ACTL6B: variants seen among roughly 807,000 people sequenced by gnomAD.
ACTL6B encodes the protein actin like 6B, also known as actin-like protein 6B.
ACTL6B carries 48 observed loss-of-function variants against 63.3 expected under a neutral mutation model. That is an observed-to-expected ratio of 0.76 (90% confidence interval 0.60 to 0.96). The LOEUF is 0.96. Ranked by LOEUF, ACTL6B falls within the 50% of genes least tolerant of loss-of-function variation. The pLI is 0.00. For synonymous variants in ACTL6B, 230 were observed against 223.8 expected (o/e 1.03, Z -0.25); for missense variants, 350 against 572.2 (o/e 0.61, Z 3.96).
In ACTL6B at chr7:100,656,360, C is replaced by T. The variant is rs141953498; in HGVS notation, c.-6G>A. On this transcript the variant is annotated 5_prime_UTR_variant, in exon 1 of 14. Coordinates refer to ENST00000160382, the MANE Select transcript of ACTL6B (RefSeq NM_016188.5). ...CCGTAGACGCCCCCGCTCATAGTGCCCGCTGCGCTGCTAGCGGCCCGTGGG... is the reference window on the plus strand; with the variant it reads ...CCGTAGACGCCCCCGCTCATAGTGCTCGCTGCGCTGCTAGCGGCCCGTGGG... The T allele has an allele frequency of 7.6e-4, 1,028 of 1,349,360 alleles. 1 individual carries two copies. In the East Asian group the frequency reaches 8.3e-3, roughly 11 times the overall value. 83.6% of individuals were successfully genotyped at this position (1,349,360 alleles called of 1,614,324 possible).
chr7:100,647,376 G>C lies in ACTL6B; in HGVS notation c.759+68C>G. 6.2e-7 allele frequency: 1 copy of C among 1,602,422 alleles called. No homozygotes were observed. The highest frequency in any genetic ancestry group is 8.5e-7 in the Non-Finnish European group (1 of 1,170,880). Reference sequence around the variant, plus strand: ...CCTCCCTGCTCCCCCTCCCATGCGGGGCCTCTGTCCCGCCCCCGATTCATG... The same window carrying C: ...CCTCCCTGCTCCCCCTCCCATGCGGCGCCTCTGTCCCGCCCCCGATTCATG... On this transcript the variant is annotated intron_variant, in intron 8 of 13. Transcript: ENST00000160382. The surrounding 1 kb of genome is among the most constrained non-coding windows in gnomAD (Gnocchi z 4.4).
At position 100,648,946 on chromosome 7, in the gene ACTL6B, C is replaced by T. The variant is rs1235073863; in HGVS notation, c.468-123G>A. 9.9e-6 allele frequency: 9 copies of T among 905,504 alleles called. No individual in the cohort carries two copies. Among genetic ancestry groups the T allele is most frequent in the Non-Finnish European group, 1.3e-5 (8 of 619,126 alleles). The allele number at this position is 905,504 out of a possible 1,614,324, so 56.1% of individuals were successfully genotyped here. A position where few individuals can be genotyped will look rare whatever the true frequency, so the allele number is the denominator to read the frequency against. ...CCATCCCCAGTCTGCAAATCTCTCC[C>T]CCTGGTGATGACTCATCTCCTGGAG... On this transcript the variant is annotated intron_variant, in intron 5 of 13. Coordinates refer to ENST00000160382, the MANE Select transcript of ACTL6B (RefSeq NM_016188.5). The surrounding 1 kb of genome is among the most constrained non-coding windows in gnomAD (Gnocchi z 4.4).
chr7:100,651,475 G>A (rs1021799262), intron 4 of ACTL6B, among the ~76,000 whole-genome samples: 9 of 151,826 alleles, frequency 5.9e-5, no homozygotes, highest in African/African-American at 1.2e-4. Flanking sequence ...CCTTGAACCC[G>A]GGAAGCGGAG....
chr7:100,655,367 T>C lies in ACTL6B; in HGVS notation c.268+54A>G, dbSNP rs1344416259. 8 of 1,574,670 alleles carry C rather than the reference T, an allele frequency of 5.1e-6. No individual in the cohort carries two copies. The highest frequency in any genetic ancestry group is 2.3e-5 in the South Asian group (2 of 87,120). On this transcript the variant is annotated intron_variant, in intron 3 of 13. Transcript: ENST00000160382. The surrounding 1 kb of genome is among the most constrained non-coding windows in gnomAD (Gnocchi z 4.4). ...GGAGTGGGGGCTGCTATGACCCAGATTGTGGGGAGCGGGCTCCTTTTCTGT... is the reference window on the plus strand; with the variant it reads ...GGAGTGGGGGCTGCTATGACCCAGACTGTGGGGAGCGGGCTCCTTTTCTGT...
Position 100,655,905 on chromosome 7 carries a change from G to A in ACTL6B, c.26-26C>T, listed in dbSNP as rs1241477018. ...CTGTGCGGGGAGACAGGCCTGTAAG[G>A]GGACCTCCCCCGAACTCTCTCCCGC... On this transcript the variant is annotated intron_variant, in intron 1 of 13. Coordinates refer to ENST00000160382, the MANE Select transcript of ACTL6B (RefSeq NM_016188.5). This position sits in a 1 kb window ranked among gnomAD's most constrained non-coding sequence, Gnocchi z 4.4. 7.1e-6 allele frequency: 11 copies of A among 1,552,584 alleles called. No individual in the cohort carries two copies. The highest frequency in any genetic ancestry group is 2.7e-5 in the African/African-American group (2 of 73,102).
intron 1 of ACTL6B, 86 bp downstream of exon 1, chr7:100,656,244 C>A: frequency 7.5e-7 from 1 of 1,326,942 alleles, no homozygotes. Flanking sequence ...GCGGAGGTGA[C>A]AGGCCCCGGG....
At chr7:100,649,482 G>C (rs935722862) in intron 5 of ACTL6B, among the ~76,000 whole-genome samples, 2 of 151,658 alleles carry the variant, frequency 1.3e-5, no homozygotes, top group African/African-American at 4.8e-5. Flanking sequence ...ATTTTTAGTA[G>C]ACACGGGCTT....
intron 13 of ACTL6B, among the ~76,000 whole-genome samples, chr7:100,644,041 A>G (rs1016109663): frequency 6.6e-6 from 1 of 152,094 alleles, no homozygotes; most frequent in Non-Finnish European, 1.5e-5. Flanking sequence ...CTGGGATTAC[A>G]GGCGCGTGCC....
rs541839239 is a variant in ACTL6B, at chr7:100,650,500, T to C, written c.370-365A>G. ...TCACACACAAACTCACACACACACA[T>C]ACACATATATTCACACTCACAGTCA... On this transcript the variant is annotated intron_variant, in intron 4 of 13. Coordinates refer to ENST00000160382, the MANE Select transcript of ACTL6B (RefSeq NM_016188.5). 1.3e-3 allele frequency among the ~76,000 whole-genome samples: 191 copies of C among 151,688 alleles called. 1 individual carries two copies. The highest frequency in any genetic ancestry group is 4.5e-3 in the African/African-American group (188 of 41,368).
chr7:100,650,837 G>A (rs1212408535), intron 4 of ACTL6B, among the ~76,000 whole-genome samples: 1 of 152,014 alleles, frequency 6.6e-6, no homozygotes, highest in Non-Finnish European at 1.5e-5. Flanking sequence ...ATTAAATTAG[G>A]GGACCAATTC....
chr7:100,650,345 A>C (rs1219343787), intron 4 of ACTL6B, among the ~76,000 whole-genome samples: 1 of 150,524 alleles, frequency 6.6e-6, no homozygotes, highest in Non-Finnish European at 1.5e-5. Flanking sequence ...CATACACTCA[A>C]ACACACACAC....
At position 100,648,277 on chromosome 7, in the gene ACTL6B, G is replaced by T; in HGVS notation, c.669+279C>A. ...CTGACCGGTCCTGCAGCTCTTGCAC[G>T]GCAGAGGCAGAACTTGAACCTGGGT... On this transcript the variant is annotated intron_variant, in intron 7 of 13. Transcript: ENST00000160382. The surrounding 1 kb of genome is among the most constrained non-coding windows in gnomAD (Gnocchi z 4.4). 1 of 267,500 alleles carries T rather than the reference G, an allele frequency of 3.7e-6. No individual in the cohort carries two copies. Among genetic ancestry groups the T allele is most frequent in the Non-Finnish European group, 7.1e-6 (1 of 141,842 alleles). The allele number at this position is 267,500 out of a possible 1,614,324, so 16.6% of individuals were successfully genotyped here. A position where few individuals can be genotyped will look rare whatever the true frequency, so the allele number is the denominator to read the frequency against.
chr7:100,654,431 C>CAATAATAATAAT (rs1562850776), intron 4 of ACTL6B, among the ~76,000 whole-genome samples: 2 of 103,348 alleles, frequency 1.9e-5, no homozygotes, highest in African/African-American at 9.4e-5. Context: ...CCAAAGTTGA[C>CAATAATAATAAT]CATAATAATA....
chr7:100,656,411 G>A lies in ACTL6B; in HGVS notation c.-57C>T. The stretch of plus-strand genomic sequence containing the variant: ...CGGTGGCGGGATCAGCACCGAGGCG[G>A]CCGGACAGCTCCCGGGATCCCTGGC... On this transcript the variant is annotated 5_prime_UTR_variant, in exon 1 of 14. Coordinates refer to ENST00000160382, the MANE Select transcript of ACTL6B (RefSeq NM_016188.5). The A allele has an allele frequency of 1.6e-6, 2 of 1,264,750 alleles. No individual in the cohort carries two copies. The highest frequency in any genetic ancestry group is 2.0e-6 in the Non-Finnish European group (2 of 1,002,402). 78.3% of individuals were successfully genotyped at this position (1,264,750 alleles called of 1,614,324 possible).
chr7:100,646,540 T>G lies in ACTL6B; in HGVS notation c.1113+11A>C. The G allele has an allele frequency of 6.2e-7, 1 of 1,613,602 alleles. No individual in the cohort carries two copies. Among genetic ancestry groups the G allele is most frequent in the Non-Finnish European group, 8.5e-7 (1 of 1,179,794 alleles). On this transcript the variant is annotated intron_variant, in intron 12 of 13. Transcript: ENST00000160382. This position sits in a 1 kb window ranked among gnomAD's most constrained non-coding sequence, Gnocchi z 6.1. ...GGTGTCCAGGGCTCTGGGTCAGGGG[T>G]GGGCTCCTACCGGTGGGGTCTTCTG...
intron 4 of ACTL6B, among the ~76,000 whole-genome samples, chr7:100,653,009 A>G: frequency 1.1e-5 from 1 of 92,942 alleles, no homozygotes; most frequent in African/African-American, 4.0e-5. Context: ...CAAAAAAAAA[A>G]AAAAAAAAAA....
At chr7:100,650,496 CACAT>C (rs1803921631) in intron 4 of ACTL6B, among the ~76,000 whole-genome samples, 2 of 152,114 alleles carry the variant, frequency 1.3e-5, no homozygotes, top group South Asian at 2.1e-4. Flanking sequence ...CTCACACACA[CACAT>C]ACACATATAT....
chr7:100,643,337 G>T lies in ACTL6B; in HGVS notation c.1201-11C>A. On this transcript the variant is annotated splice_polypyrimidine_tract_variant and intron_variant, in intron 13 of 13. Transcript: ENST00000160382. ...CTGCTGGAAAGTGCCCTGGGTGGAG[G>T]GGGTAATATCAGGGTCAGGGTGGCC... 6.2e-7 allele frequency: 1 copy of T among 1,613,288 alleles called. No homozygotes were observed. The highest frequency in any genetic ancestry group is 1.1e-5 in the South Asian group (1 of 91,038).
At chr7:100,653,290 T>A (rs1056129790) in intron 4 of ACTL6B, among the ~76,000 whole-genome samples, 2 of 152,090 alleles carry the variant, frequency 1.3e-5, no homozygotes, top group Non-Finnish European at 2.9e-5. Flanking sequence ...CTGCAAAAGA[T>A]TCTCTTAAAA....
Sources: gnomAD v4.1 joint callset for allele counts (sites outside exome capture counted in the v4.1 genomes callset) on GRCh38, gnomAD v4.1.1 for gene constraint, Gnocchi (gnomAD v3.1) non-coding constraint, MANE v1.5 for transcripts, NCBI Gene and HGNC (gene_info 2026-07-23, HGNC 2026-07-21) for gene names.